MAP6: variants seen among roughly 807,000 people sequenced by gnomAD.
MAP6 encodes the protein microtubule-associated protein 6.
In MAP6, 26 loss-of-function variants were observed where a neutral mutation model predicts 42.4. That is an observed-to-expected ratio of 0.61 (90% CI 0.45 to 0.85). The LOEUF is 0.85. Ranked by LOEUF, MAP6 falls within the 40% of genes least tolerant of loss-of-function variation. The pLI is 0.00. For missense variants in MAP6, 966 were observed against 1,099.0 expected, an observed-to-expected ratio of 0.88 and a Z score of 1.71; for synonymous variants, 418 against 443.8, an observed-to-expected ratio of 0.94 and a Z score of 0.73.
intron 1 of MAP6, among the ~76,000 whole-genome samples, chr11:75,623,719 G>T (rs1466610264): frequency 6.6e-6 from 1 of 151,978 alleles, no homozygotes; most frequent in African/African-American, 2.4e-5. Context: ...TTTGTCTTAC[G>T]TTTTTTTTGA....
chr11:75,608,959 A>G (rs1430374849), intron 1 of MAP6, among the ~76,000 whole-genome samples: 2 of 152,236 alleles, frequency 1.3e-5, no homozygotes, highest in African/African-American at 4.8e-5. Context: ...GTTAGTAAGC[A>G]ACACAGACTG....
At position 75,592,620 on chromosome 11, in the gene MAP6, C is replaced by T. The variant is rs896012119; in HGVS notation, c.1317-4436G>A. Among the ~76,000 whole-genome samples the T allele has an allele frequency of 2.0e-5, 3 of 152,162 alleles. No homozygotes were observed. The South Asian group carries it at 6.2e-4, about 32-fold the overall frequency. ...CCATCATCTACCTGGACCACTGTCA[C>T]AGCCTCCTGACTGCTGTCCCCTGTT... On this transcript the variant is annotated intron_variant, in intron 3 of 3. Coordinates refer to ENST00000304771, the MANE Select transcript of MAP6 (RefSeq NM_033063.2).
At chr11:75,654,568 G>C (rs972649108) in intron 1 of MAP6, among the ~76,000 whole-genome samples, 1 of 152,146 alleles carries the variant, frequency 6.6e-6, no homozygotes, top group Non-Finnish European at 1.5e-5. Flanking sequence ...TAGGACAGTT[G>C]CTAGGTGTAA....
intron 3 of MAP6, chr11:75,604,281 G>A (rs1942718373): frequency 1.0e-6 from 1 of 985,722 alleles, no homozygotes; most frequent in Admixed American, 6.1e-5. Context: ...CCAAAATGAT[G>A]TAAGCAGAGA....
Position 75,667,453 on chromosome 11 carries a change from G to A in MAP6, c.905+12C>T. 2 of 1,472,824 alleles carry A rather than the reference G, an allele frequency of 1.4e-6. No individual in the cohort carries two copies. The highest frequency in any genetic ancestry group is 1.3e-5 in the South Asian group (1 of 77,364). 91.2% of individuals were successfully genotyped at this position (1,472,824 alleles called of 1,614,324 possible). The stretch of plus-strand genomic sequence containing the variant: ...TGGTGACTCCCCCGCGCTAGCAGCG[G>A]CCGCGTCTCACCTGTAGGAGCTGCT... On this transcript the variant is annotated intron_variant, in intron 1 of 3. Coordinates refer to ENST00000304771, the MANE Select transcript of MAP6 (RefSeq NM_033063.2). The surrounding 1 kb of genome is among the most constrained non-coding windows in gnomAD (Gnocchi z 5.6).
intron 3 of MAP6, among the ~76,000 whole-genome samples, chr11:75,594,926 T>G (rs1942551064): frequency 6.6e-6 from 1 of 152,180 alleles, no homozygotes; most frequent in African/African-American, 2.4e-5. Flanking sequence ...GCCCTAAGCC[T>G]TATCGGCCTG....
chr11:75,647,591 T>C (rs886420689), intron 1 of MAP6, among the ~76,000 whole-genome samples: 12 of 152,086 alleles, frequency 7.9e-5, no homozygotes, highest in Admixed American at 7.8e-4. Context: ...TCATTCATAA[T>C]AGCAACAAAA....
intron 1 of MAP6, among the ~76,000 whole-genome samples, chr11:75,648,614 G>A (rs1943599806): frequency 6.6e-6 from 1 of 152,122 alleles, no homozygotes; most frequent in Non-Finnish European, 1.5e-5. Flanking sequence ...AATGATAAAG[G>A]CAAGGACTAA....
chr11:75,604,758 A>G, intron 3 of MAP6: 3 of 985,414 alleles, frequency 3.0e-6, no homozygotes, highest in Non-Finnish European at 3.6e-6. Flanking sequence ...GCTGCTTGCT[A>G]ATTAGTTAGC....
chr11:75,603,717 CAG>C (rs2135583485), intron 3 of MAP6: 1 of 985,326 alleles, frequency 1.0e-6, no homozygotes, highest in East Asian at 1.1e-4. Flanking sequence ...GCTGTGGAGA[CAG>C]ATTTCTTTAT....
intron 3 of MAP6, chr11:75,602,784 A>G (rs1942687639): frequency 1.0e-6 from 1 of 974,076 alleles, no homozygotes; most frequent in South Asian, 4.8e-5. Flanking sequence ...CATCTTGCAG[A>G]GAATGGCTCA....
chr11:75,627,175 C>T (rs952887058), intron 1 of MAP6, among the ~76,000 whole-genome samples: 1 of 152,244 alleles, frequency 6.6e-6, no homozygotes, highest in African/African-American at 2.4e-5. Context: ...AATCATTCAA[C>T]ACAGACACTC....
intron 1 of MAP6, among the ~76,000 whole-genome samples, chr11:75,664,359 G>T (rs1240120020): frequency 2.0e-5 from 3 of 152,162 alleles, no homozygotes; most frequent in African/African-American, 7.2e-5. Flanking sequence ...ATGTCAAAGG[G>T]TATCTAATGT....
At chr11:75,605,653 A>C in intron 3 of MAP6, 155 bp downstream of exon 3, 1 of 1,428,912 alleles carries the variant, frequency 7.0e-7, no homozygotes, top group South Asian at 1.5e-5. Context: ...CATCAAAAGA[A>C]GCCAAACCAA....
intron 1 of MAP6, among the ~76,000 whole-genome samples, chr11:75,615,418 G>A (rs114322770): frequency 6.2e-4 from 94 of 152,332 alleles, no homozygotes; most frequent in African/African-American, 2.2e-3. Context: ...TGGTAGACAC[G>A]TGCATAATAA....
Position 75,605,791 on chromosome 11 carries a change from A to G in MAP6, c.1316+17T>C, listed in dbSNP as rs1361283433. ...GAGAGAGAGAGAAGAGTAAAAGGAA[A>G]GTGCAGGGAAATTTACTCTTTCGCC... On this transcript the variant is annotated intron_variant, in intron 3 of 3. Coordinates refer to ENST00000304771, the MANE Select transcript of MAP6 (RefSeq NM_033063.2). The G allele has an allele frequency of 6.2e-6, 10 of 1,612,212 alleles. No homozygotes were observed. Among genetic ancestry groups the G allele is most frequent in the Middle Eastern group, 1.7e-4 (1 of 6,052 alleles).
chr11:75,592,846 C>T (rs1046478494), intron 3 of MAP6, among the ~76,000 whole-genome samples: 1 of 152,252 alleles, frequency 6.6e-6, no homozygotes, highest in African/African-American at 2.4e-5. Context: ...TCACCCCTCT[C>T]CTTCCTGCCT....
chr11:75,667,471 G>C lies in MAP6; in HGVS notation c.899C>G (p.Ser300Cys). ...AGCAGCGGCCGCGTCTCACCTGTAG[G>C]AGCTGCTCACTGCACTCGCCACCTC... ...REEVASAVSSSYRNEFRAWTD... is the reference protein window; with the variant it reads ...REEVASAVSSCYRNEFRAWTD... Residue 300 changes from serine to cysteine, a missense_variant, in exon 1 of 4, where the codon TCC (serine) becomes TGC (cysteine). Physicochemically the swap from Ser to Cys is moderately radical, Grantham distance 112. This residue lies in a region of MAP6 where 943 missense variants were observed against 1,049.9 expected (regional missense o/e 0.90). Transcript: ENST00000304771. This position sits in a 1 kb window ranked among gnomAD's most constrained non-coding sequence, Gnocchi z 5.6. 1 of 1,505,680 alleles carries C rather than the reference G, an allele frequency of 6.6e-7. No individual in the cohort carries two copies. The highest frequency in any genetic ancestry group is 8.8e-7 in the Non-Finnish European group (1 of 1,135,626). 93.3% of individuals were successfully genotyped at this position (1,505,680 alleles called of 1,614,324 possible).
chr11:75,627,697 T>G (rs75335488), intron 1 of MAP6, among the ~76,000 whole-genome samples: 2,408 of 152,238 alleles, frequency 0.016, 53 homozygotes, highest in African/African-American at 0.056. Flanking sequence ...GTCATGGAGA[T>G]CCTATGGAGT....
Sources: allele counts gnomAD v4.1 joint callset (sites outside exome capture counted in the v4.1 genomes callset), GRCh38; gene constraint gnomAD v4.1.1; regional missense constraint gnomAD v4.1.1; non-coding constraint Gnocchi (gnomAD v3.1); transcripts MANE v1.5; gene names NCBI Gene and HGNC (gene_info 2026-07-23, HGNC 2026-07-21).